AUTS2: variants seen among roughly 807,000 people sequenced by gnomAD.
AUTS2 encodes the protein activator of transcription and developmental regulator AUTS2, also known as autism susceptibility gene 2 protein.
Under a neutral mutation model 112.4 loss-of-function variants are expected in AUTS2, and 17 were observed. That is an observed-to-expected ratio of 0.15 (90% confidence interval 0.10 to 0.23). The LOEUF is 0.23. Among genes scored for constraint, AUTS2 ranks in the 10% least tolerant of loss-of-function variants. The pLI, the probability that AUTS2 is intolerant of heterozygous loss-of-function variation, is 1.00. For synonymous variants in AUTS2, 751 were observed against 702.7 expected (o/e 1.07, Z -1.09); for missense variants, 1,510 against 1,701.6 (o/e 0.89, Z 1.98).
At chr7:70,623,493 T>C (rs1423407427) in intron 5 of AUTS2, among the ~76,000 whole-genome samples, 4 of 152,210 alleles carry the variant, frequency 2.6e-5, no homozygotes, top group Admixed American at 6.5e-5. Flanking sequence ...AAATAAAATT[T>C]AAACATCAGT....
chr7:69,601,191 C>T (rs1438323914), intron 1 of AUTS2, among the ~76,000 whole-genome samples: 4 of 152,204 alleles, frequency 2.6e-5, no homozygotes, highest in East Asian at 1.9e-4. Flanking sequence ...AGTTGGTCCA[C>T]CTTTCTTAAG....
At chr7:69,937,020 C>T (rs1796441350) in intron 2 of AUTS2, among the ~76,000 whole-genome samples, 1 of 151,888 alleles carries the variant, frequency 6.6e-6, no homozygotes, top group African/African-American at 2.4e-5. Context: ...TCTCTCTCTT[C>T]TCATTTGATA....
At position 69,936,917 on chromosome 7, in the gene AUTS2, C is replaced by G. The variant is rs547327591; in HGVS notation, c.522+37419C>G. Among the ~76,000 whole-genome samples the G allele has an allele frequency of 2.1e-3, 324 of 152,266 alleles. 3 individuals are homozygous for G. Among genetic ancestry groups the G allele is most frequent in the African/African-American group, 7.6e-3 (317 of 41,558 alleles). Reference sequence around the variant, plus strand: ...CCTTTTCTTTCCGTCGTTCCTCCCTCTCTTTTCCCTTTACCCTCTTCTCTT... The same window carrying G: ...CCTTTTCTTTCCGTCGTTCCTCCCTGTCTTTTCCCTTTACCCTCTTCTCTT... On this transcript the variant is annotated intron_variant, in intron 2 of 18. Coordinates refer to ENST00000342771, the MANE Select transcript of AUTS2 (RefSeq NM_015570.4).
chr7:70,489,372 T>A (rs187953202), intron 5 of AUTS2, among the ~76,000 whole-genome samples: 7 of 152,326 alleles, frequency 4.6e-5, no homozygotes, highest in Admixed American at 4.6e-4. Context: ...GGTTATGTCA[T>A]CAATATCCCT....
intron 5 of AUTS2, among the ~76,000 whole-genome samples, chr7:70,577,797 T>C (rs1248453884): frequency 7.8e-6 from 1 of 127,952 alleles, no homozygotes; most frequent in Non-Finnish European, 1.7e-5. Context: ...TGTTCATATG[T>C]GTTTTATTGG....
chr7:70,439,882 C>T (rs962816150), intron 5 of AUTS2, among the ~76,000 whole-genome samples: 1 of 152,116 alleles, frequency 6.6e-6, no homozygotes, highest in Admixed American at 6.5e-5. Flanking sequence ...CCTGTTCTAC[C>T]CACACCCTTT....
chr7:69,646,898 AACAC>A (rs1795045809), intron 1 of AUTS2, among the ~76,000 whole-genome samples: 1 of 152,178 alleles, frequency 6.6e-6, no homozygotes, highest in South Asian at 2.1e-4. Flanking sequence ...CATCCTGGCT[AACAC>A]GGTGAAACCC....
At chr7:70,162,954 G>A (rs907216676) in intron 4 of AUTS2, among the ~76,000 whole-genome samples, 5 of 152,040 alleles carry the variant, frequency 3.3e-5, no homozygotes, top group African/African-American at 4.8e-5. Context: ...GACTTATAAC[G>A]GCTGTGTTTA....
intron 2 of AUTS2, among the ~76,000 whole-genome samples, chr7:69,936,980 T>A (rs574295284): frequency 2.6e-5 from 4 of 152,094 alleles, no homozygotes; most frequent in Non-Finnish European, 5.9e-5. Context: ...TCTTTCCCCC[T>A]TTTTTCTTCC....
intron 6 of AUTS2, among the ~76,000 whole-genome samples, chr7:70,758,976 C>A (rs1259612170): frequency 1.3e-5 from 2 of 152,166 alleles, no homozygotes; most frequent in Non-Finnish European, 2.9e-5. Context: ...GAAGTTCTTA[C>A]CAGCTCAAAC....
At chr7:70,660,725 C>G (rs750351677) in intron 5 of AUTS2, among the ~76,000 whole-genome samples, 5 of 152,204 alleles carry the variant, frequency 3.3e-5, no homozygotes, top group Admixed American at 6.5e-5. Flanking sequence ...TTGGTTTATT[C>G]AACCCCATTT....
At chr7:69,740,257 T>C (rs1236608571) in intron 1 of AUTS2, among the ~76,000 whole-genome samples, 1 of 152,184 alleles carries the variant, frequency 6.6e-6, no homozygotes, top group Non-Finnish European at 1.5e-5. Flanking sequence ...ACAGTGTTCC[T>C]AATGAAGTGT....
intron 5 of AUTS2, among the ~76,000 whole-genome samples, chr7:70,651,206 A>G (rs915086942): frequency 6.6e-6 from 1 of 152,230 alleles, no homozygotes; most frequent in Non-Finnish European, 1.5e-5. Flanking sequence ...GATAAGGATC[A>G]TGACATACAA....
intron 5 of AUTS2, among the ~76,000 whole-genome samples, chr7:70,544,244 C>T (rs1300767446): frequency 6.6e-6 from 1 of 152,186 alleles, no homozygotes; most frequent in Non-Finnish European, 1.5e-5. Context: ...GTCACCTGTT[C>T]ACTTGGAGGC....
At chr7:69,878,426 C>T (rs1306966637) in intron 1 of AUTS2, among the ~76,000 whole-genome samples, 4 of 152,314 alleles carry the variant, frequency 2.6e-5, no homozygotes, top group Admixed American at 2.6e-4. Flanking sequence ...AGAACCAGTG[C>T]TCACATCCAG....
At chr7:70,033,928 T>C (rs1800890069) in intron 2 of AUTS2, among the ~76,000 whole-genome samples, 1 of 152,166 alleles carries the variant, frequency 6.6e-6, no homozygotes, top group Admixed American at 6.5e-5. Flanking sequence ...TAATCTTTTA[T>C]TGTATATTTT....
intron 6 of AUTS2, among the ~76,000 whole-genome samples, chr7:70,720,472 G>C (rs1019700954): frequency 2.4e-4 from 37 of 152,096 alleles, no homozygotes; most frequent in African/African-American, 7.2e-4. Context: ...TCTTCCCCAC[G>C]GGCACAGAGC....
At chr7:70,095,257 AGTGT>A (rs748946398) in intron 2 of AUTS2, among the ~76,000 whole-genome samples, 109 of 150,686 alleles carry the variant, frequency 7.2e-4, no homozygotes, top group Middle Eastern at 6.8e-3. Context: ...ACATATTAAG[AGTGT>A]GTGTGTGTGT....
chr7:69,869,221 G>A (rs756963813), intron 1 of AUTS2, among the ~76,000 whole-genome samples: 1 of 152,128 alleles, frequency 6.6e-6, no homozygotes, highest in Non-Finnish European at 1.5e-5. Flanking sequence ...AATTCTATCA[G>A]TGTTTATTGA....
Sources: allele counts gnomAD v4.1 joint callset (sites outside exome capture counted in the v4.1 genomes callset), GRCh38; gene constraint gnomAD v4.1.1; transcripts MANE v1.5; gene names NCBI Gene and HGNC (gene_info 2026-07-23, HGNC 2026-07-21).